The following GLIS3 variants were observed in gnomAD, a reference collection of about 807,000 sequenced individuals.
GLIS3 encodes GLIS family zinc finger 3, also known as zinc finger protein GLIS3.
GLIS3 carries 53 observed loss-of-function variants against 78.6 expected under a neutral mutation model. The observed-to-expected ratio is 0.67, with a 90% CI of 0.54 to 0.85. GLIS3 has a LOEUF of 0.85. Ranked by LOEUF, GLIS3 falls within the 40% of genes least tolerant of loss-of-function variation. The pLI, the probability that GLIS3 is intolerant of heterozygous loss-of-function variation, is 0.00. For missense variants in GLIS3, 1,703 were observed against 1,231.1 expected, an observed-to-expected ratio of 1.38 and a Z score of -5.74; for synonymous variants, 684 against 509.9, an observed-to-expected ratio of 1.34 and a Z score of -4.60.
chr9:4,009,376 C>T (rs1286146981), intron 4 of GLIS3, among the ~76,000 whole-genome samples: 1 of 152,158 alleles, frequency 6.6e-6, no homozygotes, highest in Non-Finnish European at 1.5e-5. Flanking sequence ...AGAGACACCA[C>T]CAGGACACGT....
intron 2 of GLIS3, among the ~76,000 whole-genome samples, chr9:4,136,383 G>T (rs887606326): frequency 6.6e-6 from 1 of 152,174 alleles, no homozygotes; most frequent in African/African-American, 2.4e-5. Context: ...GTCCAAAGAT[G>T]TTAAATGACA....
intron 2 of GLIS3, among the ~76,000 whole-genome samples, chr9:4,183,851 G>T (rs1224508002): frequency 6.6e-6 from 1 of 152,030 alleles, no homozygotes. Flanking sequence ...CTTTCAATTA[G>T]CCTTTCAGAT....
chr9:4,469,869 A>C, the GLIS3 span, among the ~76,000 whole-genome samples: 2 of 152,202 alleles, frequency 1.3e-5, no homozygotes, highest in Non-Finnish European at 2.9e-5. Flanking sequence ...GAAGATCAAC[A>C]AAATTGATAG....
intron 2 of GLIS3, among the ~76,000 whole-genome samples, chr9:4,213,400 T>C (rs1017830084): frequency 7.2e-5 from 11 of 152,196 alleles, no homozygotes; most frequent in Admixed American, 7.2e-4. Context: ...GCAATGGAAG[T>C]ATCCCCATGT....
intron 6 of GLIS3, among the ~76,000 whole-genome samples, chr9:3,927,226 G>C (rs900865647): frequency 6.6e-6 from 1 of 152,208 alleles, no homozygotes; most frequent in Non-Finnish European, 1.5e-5. Context: ...ATAAATATCT[G>C]TTGAGTAGAA....
chr9:4,213,899 T>C (rs1281321178), intron 2 of GLIS3, among the ~76,000 whole-genome samples: 6 of 133,002 alleles, frequency 4.5e-5, no homozygotes, highest in Non-Finnish European at 9.5e-5. Context: ...TATGCTTTAA[T>C]AGGGAAGGCA....
intron 6 of GLIS3, among the ~76,000 whole-genome samples, chr9:3,920,193 C>T (rs1225160649): frequency 2.0e-5 from 3 of 151,868 alleles, no homozygotes; most frequent in South Asian, 4.1e-4. Context: ...TTAGTAGAGA[C>T]GGGGTTTCTC....
At chr9:4,393,360 T>A in the GLIS3 span, among the ~76,000 whole-genome samples, 9 of 152,176 alleles carry the variant, frequency 5.9e-5, no homozygotes, top group African/African-American at 2.2e-4. Context: ...TATATTTTAC[T>A]TTTTTTAAAA....
chr9:4,356,523 G>A, the GLIS3 span, among the ~76,000 whole-genome samples: 1 of 152,214 alleles, frequency 6.6e-6, no homozygotes, highest in African/African-American at 2.4e-5. Flanking sequence ...TATTAGATGG[G>A]AGGAAATTGA....
At chr9:3,833,620 CAAAGAAATGTAAGACA>C (rs1158943621) in intron 9 of GLIS3, among the ~76,000 whole-genome samples, 8 of 152,106 alleles carry the variant, frequency 5.3e-5, no homozygotes, top group African/African-American at 1.7e-4. Context: ...TTGCTGAAAC[CAAAGAAATGTAAGACA>C]TCATCCTTGT....
rs547330488 is a variant in GLIS3 at position 4,246,494 on chromosome 9, C to T, written c.388+39544G>A. On this transcript the variant is annotated intron_variant, in intron 2 of 10. Transcript: ENST00000381971. ...TACGGCTACCATTTCCATGCATTTT[C>T]CCTAAGTGACATCTGCAGTTGTTTC... is the stretch of plus-strand genomic sequence containing the variant. Among the ~76,000 whole-genome samples, 240 of 152,288 alleles carry T rather than the reference C, an allele frequency of 1.6e-3. 12 individuals carry two copies. In the South Asian group the frequency reaches 0.048, roughly 30 times the overall value.
chr9:4,250,762 T>C (rs1364344232), intron 2 of GLIS3, among the ~76,000 whole-genome samples: 1 of 152,252 alleles, frequency 6.6e-6, no homozygotes. Flanking sequence ...GCTATAAATT[T>C]CCCTCTAAAC....
the GLIS3 span, among the ~76,000 whole-genome samples, chr9:4,484,580 G>T: frequency 3.9e-4 from 59 of 151,738 alleles, no homozygotes; most frequent in African/African-American, 1.4e-3. Context: ...ACCACACCTG[G>T]CTAATTTTTG....
At chr9:4,263,728 T>A (rs1825737085) in intron 2 of GLIS3, among the ~76,000 whole-genome samples, 1 of 152,188 alleles carries the variant, frequency 6.6e-6, no homozygotes, top group Admixed American at 6.5e-5. Context: ...TTTTGTGGCT[T>A]CATCTTATCT....
the GLIS3 span, among the ~76,000 whole-genome samples, chr9:4,482,592 T>G: frequency 6.6e-6 from 1 of 152,192 alleles, no homozygotes; most frequent in Non-Finnish European, 1.5e-5. Context: ...CATAAATGTT[T>G]TATGATGATA....
chr9:4,229,608 A>C (rs977670041), intron 2 of GLIS3, among the ~76,000 whole-genome samples: 1 of 152,252 alleles, frequency 6.6e-6, no homozygotes, highest in African/African-American at 2.4e-5. Flanking sequence ...GGATTTATTA[A>C]GATGAAGAAA....
At chr9:3,956,958 T>C (rs538012825) in intron 4 of GLIS3, among the ~76,000 whole-genome samples, 1 of 152,332 alleles carries the variant, frequency 6.6e-6, no homozygotes, top group South Asian at 2.1e-4. Context: ...ATATCTTCCC[T>C]GGCAAATCGT....
chr9:4,427,000 T>A, the GLIS3 span, among the ~76,000 whole-genome samples: 1 of 152,234 alleles, frequency 6.6e-6, no homozygotes, highest in Non-Finnish European at 1.5e-5. Flanking sequence ...CATGTCTTAG[T>A]CACCATTTTG....
chr9:3,844,071 GA>G (rs1426075494), intron 9 of GLIS3, among the ~76,000 whole-genome samples: 1 of 152,122 alleles, frequency 6.6e-6, no homozygotes, highest in Non-Finnish European at 1.5e-5. Flanking sequence ...GTAAACCAAC[GA>G]GAAATTTTAA....
Sources: gnomAD v4.1 joint callset for allele counts (sites outside exome capture counted in the v4.1 genomes callset) on GRCh38, gnomAD v4.1.1 for gene constraint, MANE v1.5 for transcripts, NCBI Gene and HGNC (gene_info 2026-07-23, HGNC 2026-07-21) for gene names.